Variants in CCDC126 observed in about 807,000 individuals in gnomAD.
CCDC126 encodes the protein coiled-coil domain containing 126, also known as coiled-coil domain-containing protein 126.
In CCDC126, 5 loss-of-function variants were observed where a neutral mutation model predicts 11.7. The ratio of observed to expected loss-of-function variants is 0.43; its 90% CI spans 0.22 to 0.90. The LOEUF (loss-of-function observed/expected upper bound fraction) is 0.90, where lower values mean the gene tolerates loss of function less well. CCDC126 is among the 40% of genes least tolerant of loss of function. The pLI is 0.27. For synonymous variants in CCDC126, 60 were observed against 61.9 expected (o/e 0.97, Z 0.14); for missense variants, 150 against 163.1 (o/e 0.92, Z 0.44).
At chr7:23,625,966 TC>T (rs1783008422) in intron 3 of CCDC126, among the ~76,000 whole-genome samples, 1 of 151,870 alleles carries the variant, frequency 6.6e-6, no homozygotes, top group African/African-American at 2.4e-5. Context: ...CTTGACTGAT[TC>T]TTTATAAAGA....
Position 23,644,166 on chromosome 7 carries a change from G to C in CCDC126, c.*1051G>C, listed in dbSNP as rs921418126. On this transcript the variant is annotated 3_prime_UTR_variant, in exon 4 of 4. Transcript: ENST00000307471. ...TTGAATTTGTATAACAGATGCATTA[G>C]ATATTCATTTTATATAATGGCCACT... The C allele has an allele frequency of 1.3e-5, 2 of 151,956 alleles. No homozygotes were observed. The highest frequency in any genetic ancestry group is 2.9e-5 in the Non-Finnish European group (2 of 67,922). 9.4% of individuals were successfully genotyped at this position (151,956 alleles called of 1,614,324 possible).
intron 2 of CCDC126, among the ~76,000 whole-genome samples, chr7:23,606,903 C>G (rs986290445): frequency 1.3e-5 from 2 of 151,558 alleles, no homozygotes; most frequent in Non-Finnish European, 2.9e-5. Context: ...TGAGACCAGA[C>G]TGGGCAACGT....
At chr7:23,622,584 T>C (rs926782269) in intron 3 of CCDC126, 3 of 536,652 alleles carry the variant, frequency 5.6e-6, no homozygotes, top group African/African-American at 1.9e-5. Flanking sequence ...ATGGCTGAAA[T>C]TGAGAAATTG....
intron 3 of CCDC126, among the ~76,000 whole-genome samples, chr7:23,638,727 T>TAAAAAAAAAAAAAAA (rs70954398): frequency 7.3e-4 from 65 of 89,524 alleles, no homozygotes; most frequent in Non-Finnish European, 8.6e-4. Context: ...AAAAAAAAAT[T>TAAAAAAAAAAAAAAA]AAAAAAAAAA....
chr7:23,598,146 C>A (rs946572405), intron 2 of CCDC126, 95 bp downstream of exon 2: 1 of 152,270 alleles, frequency 6.6e-6, no homozygotes, highest in East Asian at 1.9e-4. Context: ...CTGGGTTTCT[C>A]TCACTGCCTG....
chr7:23,641,928 C>T (rs747805033), intron 3 of CCDC126, among the ~76,000 whole-genome samples: 8 of 152,218 alleles, frequency 5.3e-5, no homozygotes, highest in Non-Finnish European at 7.3e-5. Flanking sequence ...CACAACTCCA[C>T]CCCTGTGGAG....
chr7:23,616,804 TC>T (rs1437909550), intron 3 of CCDC126, among the ~76,000 whole-genome samples: 3 of 152,236 alleles, frequency 2.0e-5, no homozygotes, highest in African/African-American at 7.2e-5. Flanking sequence ...CAGTGGGACA[TC>T]CTGCAATTTA....
intron 3 of CCDC126, among the ~76,000 whole-genome samples, chr7:23,638,196 CG>C (rs1562499940): frequency 6.6e-6 from 1 of 151,746 alleles, no homozygotes; most frequent in African/African-American, 2.4e-5. Flanking sequence ...TGCCCGGCCA[CG>C]ACCCCGTCTG....
chr7:23,599,945 T>A (rs1177900086), intron 2 of CCDC126, among the ~76,000 whole-genome samples: 1 of 152,024 alleles, frequency 6.6e-6, no homozygotes, highest in Non-Finnish European at 1.5e-5. Context: ...CCACCATGCC[T>A]GGCTAATTTT....
chr7:23,622,388 C>G, intron 3 of CCDC126: 1 of 333,624 alleles, frequency 3.0e-6, no homozygotes, highest in South Asian at 2.4e-5. Context: ...ATAGTATTCT[C>G]TGGTGGTAGT....
rs375618102 is a variant in CCDC126 at position 23,605,555 on chromosome 7, GCTT to G, written c.-145-5611_-145-5609del. On this transcript the variant is annotated intron_variant, in intron 2 of 3. Transcript: ENST00000307471. ...ACCATCACTACCATCCATCTCCAGAGCTTCTTCATCATCTCCATCTGAAACTCT... is the reference window on the plus strand; with the variant it reads ...ACCATCACTACCATCCATCTCCAGAGCTTCATCATCTCCATCTGAAACTCT... 2.9e-3 allele frequency among the ~76,000 whole-genome samples: 440 copies of G among 152,186 alleles called. 3 individuals carry two copies. The highest frequency in any genetic ancestry group is 9.9e-3 in the African/African-American group (412 of 41,510).
At chr7:23,616,806 CT>C (rs1782802305) in intron 3 of CCDC126, among the ~76,000 whole-genome samples, 1 of 152,122 alleles carries the variant, frequency 6.6e-6, no homozygotes, top group Non-Finnish European at 1.5e-5. Flanking sequence ...GTGGGACATC[CT>C]GCAATTTATG....
At chr7:23,627,466 C>G (rs1783035029) in intron 3 of CCDC126, among the ~76,000 whole-genome samples, 1 of 151,532 alleles carries the variant, frequency 6.6e-6, no homozygotes, top group Non-Finnish European at 1.5e-5. Flanking sequence ...ACTCGGGAGG[C>G]TGAAGCACAA....
chr7:23,623,076 C>A (rs1262522558), intron 3 of CCDC126, among the ~76,000 whole-genome samples: 1 of 146,192 alleles, frequency 6.8e-6, no homozygotes, highest in Admixed American at 7.1e-5. Flanking sequence ...CGGGTTCAGG[C>A]GGTTCTCCTG....
At chr7:23,612,502 C>CAAAGAAA (rs1782733999) in intron 3 of CCDC126, among the ~76,000 whole-genome samples, 1 of 74,956 alleles carries the variant, frequency 1.3e-5, no homozygotes, top group South Asian at 4.5e-4. Flanking sequence ...AAAAAAAAAA[C>CAAAGAAA]AAAGAAAAAA....
intron 2 of CCDC126, among the ~76,000 whole-genome samples, chr7:23,599,892 C>A (rs1321351384): frequency 6.6e-6 from 1 of 152,182 alleles, no homozygotes; most frequent in Non-Finnish European, 1.5e-5. Flanking sequence ...TCAAGCGATT[C>A]TTGTACCTCA....
chr7:23,605,200 G>GT (rs1441687835), intron 2 of CCDC126, among the ~76,000 whole-genome samples: 1 of 152,148 alleles, frequency 6.6e-6, no homozygotes, highest in East Asian at 1.9e-4. Flanking sequence ...AGAATTTAAT[G>GT]TGTTTTCCCT....
At chr7:23,636,678 T>TG (rs1223891543) in intron 3 of CCDC126, among the ~76,000 whole-genome samples, 1 of 148,212 alleles carries the variant, frequency 6.7e-6, no homozygotes, top group Non-Finnish European at 1.5e-5. Context: ...CCATCCCGTC[T>TG]GGGAAGTGAG....
At chr7:23,631,810 G>C (rs1476829255) in intron 3 of CCDC126, among the ~76,000 whole-genome samples, 3 of 151,056 alleles carry the variant, frequency 2.0e-5, no homozygotes, top group Non-Finnish European at 4.4e-5. Context: ...CCCCCACCCT[G>C]AAAAAAAATC....
Sources: allele counts gnomAD v4.1 joint callset (sites outside exome capture counted in the v4.1 genomes callset), GRCh38; gene constraint gnomAD v4.1.1; transcripts MANE v1.5; gene names NCBI Gene and HGNC (gene_info 2026-07-23, HGNC 2026-07-21).